The following ALDH3B2 variants were observed in gnomAD, a reference collection of about 807,000 sequenced individuals.
ALDH3B2 encodes the protein aldehyde dehydrogenase 3 family member B2, also known as aldehyde dehydrogenase family 3 member B2.
A neutral mutation model predicts 36.7 loss-of-function variants in ALDH3B2; 45 were observed. The ratio of observed to expected loss-of-function variants is 1.23; its 90% confidence interval spans 0.97 to 1.57. ALDH3B2 has a LOEUF of 1.57. Ranked by LOEUF, ALDH3B2 falls within the 40% of genes most tolerant of loss-of-function variation. ALDH3B2 has a pLI of 0.00. For synonymous variants in ALDH3B2, 217 were observed against 226.5 expected (o/e 0.96, Z 0.38); for missense variants, 464 against 513.3 (o/e 0.90, Z 0.93).
exon 2 of ALDH3B2, chr11:67,667,490 C>A: frequency 2.6e-6 from 1 of 388,710 alleles, no homozygotes; most frequent in Non-Finnish European, 4.8e-6. Context: ...AGGTCCTGGG[C>A]CAGCACGTCG....
intron 1 of ALDH3B2, among the ~76,000 whole-genome samples, chr11:67,669,056 C>A (rs921173096): frequency 8.0e-6 from 1 of 124,496 alleles, no homozygotes; most frequent in Non-Finnish European, 1.7e-5. Context: ...TGTGTCTCTG[C>A]GTGTATGGGT....
At chr11:67,666,611 G>A (rs746291984) in exon 4 of ALDH3B2, 4 of 1,614,136 alleles carry the variant, frequency 2.5e-6, no homozygotes, top group South Asian at 2.2e-5. Context: ...CCAGGGTCAG[G>A]TTCAGTGGGT....
chr11:67,666,647 C>A, exon 4 of ALDH3B2: 1 of 1,614,160 alleles, frequency 6.2e-7, no homozygotes, highest in Non-Finnish European at 8.5e-7. Flanking sequence ...TGATGAGGAC[C>A]AGGCCAAAGG....
exon 9 of ALDH3B2, chr11:67,663,695 T>C (rs1224488623): frequency 4.3e-6 from 7 of 1,612,686 alleles, no homozygotes; most frequent in Non-Finnish European, 5.9e-6. Flanking sequence ...AGCAGAGATA[T>C]GTAGGTGAAG....
At position 67,665,264 on chromosome 11, in the gene ALDH3B2, C is replaced by T. The variant is rs201648686; in HGVS notation, c.706+21G>A. 3.0e-3 allele frequency: 4,727 copies of T among 1,579,262 alleles called. 20 individuals are homozygous for T. The highest frequency in any genetic ancestry group is 0.012 in the African/African-American group (897 of 74,268). ...AAAGGGTCTTGGCCCAGGTGGGCTG[C>T]GGTAGGGCAGCAGGACTCACCGATG... On this transcript the variant is annotated intron_variant, in intron 7 of 9. Coordinates refer to ENST00000349015, the Ensembl canonical transcript of ALDH3B2.
upstream of ALDH3B2, among the ~76,000 whole-genome samples, chr11:67,675,517 G>A (rs895293826): frequency 3.3e-5 from 5 of 152,202 alleles, no homozygotes; most frequent in East Asian, 3.8e-4. Context: ...CCAAGGACAC[G>A]CCCTGCTGAG....
chr11:67,678,650 T>C (rs535906872), upstream of ALDH3B2, among the ~76,000 whole-genome samples: 171 of 150,482 alleles, frequency 1.1e-3, no homozygotes, highest in African/African-American at 3.7e-3. Flanking sequence ...TATATATATA[T>C]ACACTATGAT....
At chr11:67,669,186 A>C (rs1856005921) in intron 1 of ALDH3B2, among the ~76,000 whole-genome samples, 1 of 133,744 alleles carries the variant, frequency 7.5e-6, no homozygotes, top group Non-Finnish European at 1.6e-5. Context: ...GTGTATGGCT[A>C]TGTGTGTGTC....
intron 7 of ALDH3B2, 103 bp downstream of exon 7, chr11:67,665,182 G>T (rs1591141689): frequency 6.6e-7 from 1 of 1,509,566 alleles, no homozygotes; most frequent in East Asian, 2.3e-5. Flanking sequence ...CTGATAGTGG[G>T]GCCGGGTTTC....
chr11:67,666,008 C>T (rs990711757), intron 6 of ALDH3B2, 114 bp downstream of exon 6: 1 of 1,347,406 alleles, frequency 7.4e-7, no homozygotes, highest in South Asian at 1.3e-5. Flanking sequence ...GTGCCAGCTC[C>T]AGCTCCCCAC....
Position 67,663,240 on chromosome 11 carries a change from CCCATG to C in ALDH3B2, c.1128_1132del (p.Met377LeufsTer22). On this transcript the variant is annotated frameshift_variant, in exon 10 of 10. Coordinates refer to ENST00000349015, the Ensembl canonical transcript of ALDH3B2. LOFTEE classifies it high-confidence loss of function. ...TCACAGGAGGGTGCAGCTCTGGGAG[CCCATG>C]CCCCAGCGTAACAGCTGCTGGTTCC... is the stretch of plus-strand genomic sequence containing the variant. 1 of 1,611,806 alleles carries C rather than the reference CCCATG, an allele frequency of 6.2e-7. No individual in the cohort carries two copies. Among genetic ancestry groups the C allele is most frequent in the Non-Finnish European group, 8.5e-7 (1 of 1,178,664 alleles).
intron 6 of ALDH3B2, 95 bp from the exon 7 acceptor site, chr11:67,665,766 A>G: frequency 4.7e-6 from 7 of 1,504,334 alleles, no homozygotes; most frequent in Middle Eastern, 2.3e-4. Context: ...GAGGTGTTGG[A>G]GTCGGCGGGC....
At chr11:67,676,349 T>A (rs747762185), upstream of ALDH3B2, among the ~76,000 whole-genome samples, 19 of 152,112 alleles carry the variant, frequency 1.2e-4, no homozygotes, top group Non-Finnish European at 8.8e-5. Context: ...AACCTGCTCT[T>A]GAATGAGCAT....
chr11:67,663,037 G>T, exon 10 of ALDH3B2: 5 of 800,332 alleles, frequency 6.2e-6, no homozygotes, highest in Non-Finnish European at 9.9e-6. Context: ...GCGTCCCCCA[G>T]ATAGAAGCAA....
At chr11:67,663,250 A>T (rs12292126) in exon 10 of ALDH3B2, 1 of 1,613,074 alleles carries the variant, frequency 6.2e-7, no homozygotes, top group African/African-American at 1.3e-5. Context: ...CCCATGCCCC[A>T]GCGTAACAGC....
exon 10 of ALDH3B2, chr11:67,663,171 G>A (rs766961308): frequency 6.4e-7 from 1 of 1,556,912 alleles, no homozygotes; most frequent in Admixed American, 1.8e-5. Context: ...CTCATGGCTA[G>A]ACTCAGGTTT....
chr11:67,665,788 A>T (rs1464576844), intron 6 of ALDH3B2, 117 bp from the exon 7 acceptor site: 1 of 1,439,458 alleles, frequency 6.9e-7, no homozygotes, highest in Non-Finnish European at 9.3e-7. Context: ...TCCTAGGGAC[A>T]TGGTGAGGAG....
intron 8 of ALDH3B2, chr11:67,664,139 G>A: frequency 1.7e-6 from 1 of 603,050 alleles, no homozygotes; most frequent in South Asian, 2.0e-5. Context: ...TGCCTGTGCA[G>A]AACCTTTGCA....
At chr11:67,667,823 C>A in intron 1 of ALDH3B2, 188 bp from the exon 2 acceptor site, 1 of 171,234 alleles carries the variant, frequency 5.8e-6, no homozygotes, top group Non-Finnish European at 1.2e-5. Flanking sequence ...GCACCACCCC[C>A]AACTCACCTG....
Sources: allele counts gnomAD v4.1 joint callset (sites outside exome capture counted in the v4.1 genomes callset), GRCh38; gene constraint gnomAD v4.1.1; transcripts MANE v1.5; gene names NCBI Gene and HGNC (gene_info 2026-07-23, HGNC 2026-07-21).